RFPL2: variants seen among roughly 807,000 people sequenced by gnomAD.
RFPL2 encodes the protein ret finger protein like 2, also known as ret finger protein-like 2.
A neutral mutation model predicts 17.8 loss-of-function variants in RFPL2; 13 were observed. The ratio of observed to expected loss-of-function variants is 0.73; its 90% CI spans 0.47 to 1.16. The LOEUF (loss-of-function observed/expected upper bound fraction) is 1.16, where lower values mean the gene tolerates loss of function less well. Ranked by LOEUF, RFPL2 falls within the 50% of genes most tolerant of loss-of-function variation. RFPL2 has a pLI of 0.00. For synonymous variants in RFPL2, 189 were observed against 180.9 expected, an observed-to-expected ratio of 1.04 and a Z score of -0.36; for missense variants, 431 against 479.3, an observed-to-expected ratio of 0.90 and a Z score of 0.94.
At position 32,191,053 on chromosome 22, in the gene RFPL2, G is replaced by A. The variant is rs374202038; in HGVS notation, c.856C>T (p.Arg286Cys). 1.6e-5 allele frequency: 26 copies of A among 1,613,744 alleles called. No homozygotes were observed. The Middle Eastern group carries it at 4.9e-4, about 31-fold the overall frequency. The change falls in exon 5 of 5, where the codon CGC (arginine) becomes TGC (cysteine). Residue 286 changes from arginine (R) to cysteine (C), a missense_variant. Physicochemically the swap from Arg to Cys is radical, Grantham distance 180 (BLOSUM62 -3). Coordinates refer to ENST00000652607, the MANE Select transcript of RFPL2 (RefSeq NM_001394555.1). ...FWTVSLRDGG[R>C]LSATTVPLTF... ...AGCGGCACCGTGGTGGCAGAGAGGC[G>A]GCCTCCATCCCTCAAACTCACAGTC...
Position 32,202,455 on chromosome 22 carries a change from A to G in RFPL2, c.-4T>C. The stretch of plus-strand genomic sequence containing the variant: ...AGCCTAATTCAGCCACCTCCATCGG[A>G]GGCAAATCATGGTGCCACAGGCTCT... On this transcript the variant is annotated 5_prime_UTR_variant, in exon 2 of 5. Coordinates refer to ENST00000652607, the MANE Select transcript of RFPL2 (RefSeq NM_001394555.1). 6.3e-7 allele frequency: 1 copy of G among 1,584,112 alleles called. No homozygotes were observed. The highest frequency in any genetic ancestry group is 8.6e-7 in the Non-Finnish European group (1 of 1,164,858).
intron 2 of RFPL2, among the ~76,000 whole-genome samples, chr22:32,194,973 G>C (rs2413086): frequency 2.6e-5 from 4 of 152,098 alleles, no homozygotes; most frequent in African/African-American, 9.7e-5. Context: ...GTACTTCACA[G>C]AGTGTTAAGA....
At chr22:32,202,702 A>G in intron 1 of RFPL2, 152 bp from the exon 2 acceptor site, 10 of 1,307,084 alleles carry the variant, frequency 7.7e-6, no homozygotes, top group Non-Finnish European at 9.8e-6. Context: ...TGCGGCCTGG[A>G]GTGGGGACTG....
Position 32,202,342 on chromosome 22 carries a change from C to CT in RFPL2, c.109dup (p.Arg37LysfsTer15). Reference sequence around the variant, plus strand: ...CAGAATTGTCTCTCACCTCAGGCTCCTTATCACCATCATGTCTGCAAAGTC... The same window carrying CT: ...CAGAATTGTCTCTCACCTCAGGCTCCTTTATCACCATCATGTCTGCAAAGTC... On this transcript the variant is annotated frameshift_variant, in exon 2 of 5. Coordinates refer to ENST00000652607, the MANE Select transcript of RFPL2 (RefSeq NM_001394555.1). LOFTEE classifies it high-confidence loss of function. The CT allele has an allele frequency of 6.3e-7, 1 of 1,599,358 alleles. No individual in the cohort carries two copies. The highest frequency in any genetic ancestry group is 2.3e-5 in the East Asian group (1 of 44,406).
At chr22:32,201,523 A>T (rs1393057132) in intron 2 of RFPL2, among the ~76,000 whole-genome samples, 1 of 152,244 alleles carries the variant, frequency 6.6e-6, no homozygotes, top group East Asian at 1.9e-4. Context: ...GTGCACCTAC[A>T]GCTGCCTGGC....
In RFPL2 at chr22:32,194,388, G is replaced by C; in HGVS notation, c.222C>G (p.Ala74=). The change falls in exon 3 of 5, where the codon GCC becomes GCG. Residue 74 remains alanine, a synonymous_variant. Coordinates refer to ENST00000652607, the MANE Select transcript of RFPL2 (RefSeq NM_001394555.1). ...SCAPSPQDLS[A]QWKQLEDRGA... ...CTCTGTCCTCCAGCTGCTTCCACTG[G>C]GCGCTCAGGTCTTGTGGGGAAGGGG... is the stretch of plus-strand genomic sequence containing the variant. The C allele has an allele frequency of 6.2e-7, 1 of 1,605,202 alleles. No individual in the cohort carries two copies. Among genetic ancestry groups the C allele is most frequent in the African/African-American group, 1.3e-5 (1 of 74,172 alleles).
chr22:32,195,090 C>T (rs1156522434), intron 2 of RFPL2, among the ~76,000 whole-genome samples: 2 of 152,196 alleles, frequency 1.3e-5, no homozygotes. Context: ...TTTGAATCAA[C>T]CCCGAATCTT....
Position 32,192,912 on chromosome 22 carries a change from C to A in RFPL2, c.546G>T (p.Arg182=), listed in dbSNP as rs1452645181. The A allele has an allele frequency of 2.5e-6, 4 of 1,611,290 alleles. No individual in the cohort carries two copies. Among genetic ancestry groups the A allele is most frequent in the Middle Eastern group, 1.6e-4 (1 of 6,074 alleles). Residue 182 remains arginine, a synonymous_variant, in exon 4 of 5, where the codon CGG becomes CGT. Transcript: ENST00000652607. ...KKILQMNPRM[R]KFQVDMTLDA... is the part of the protein sequence containing the mutation. ...ATACAGATGCCTTACCTTGGAACTT[C>A]CGCATCCTTGGGTTCATCTGCAGAA...
chr22:32,193,247 T>C, intron 3 of RFPL2, 55 bp from the exon 4 acceptor site: 1 of 1,613,764 alleles, frequency 6.2e-7, no homozygotes, highest in Non-Finnish European at 8.5e-7. Flanking sequence ...GAAAGCCTGT[T>C]AGTTGTGACA....
chr22:32,194,255 A>C, intron 3 of RFPL2, 90 bp downstream of exon 3: 3 of 1,447,996 alleles, frequency 2.1e-6, no homozygotes, highest in Non-Finnish European at 2.8e-6. Context: ...GAATTCATTA[A>C]TTACGAATTT....
At chr22:32,193,854 C>T (rs1603203549) in intron 3 of RFPL2, among the ~76,000 whole-genome samples, 1 of 107,976 alleles carries the variant, frequency 9.3e-6, no homozygotes, top group African/African-American at 4.2e-5. Flanking sequence ...CAGAGTGAGA[C>T]ACCATCTCAA....
intron 1 of RFPL2, among the ~76,000 whole-genome samples, chr22:32,203,810 C>A (rs1476985817): frequency 1.1e-4 from 17 of 151,344 alleles, no homozygotes; most frequent in Admixed American, 1.1e-3. Flanking sequence ...TCAACAAGCC[C>A]CTCCACTGAC....
chr22:32,198,793 A>C (rs1021330617), intron 2 of RFPL2, among the ~76,000 whole-genome samples: 1 of 150,598 alleles, frequency 6.6e-6, no homozygotes, highest in Non-Finnish European at 1.5e-5. Flanking sequence ...CTCTGACCTC[A>C]GAGGTACGGC....
chr22:32,202,338 G>C lies in RFPL2; in HGVS notation c.114C>G (p.Ser38Arg), dbSNP rs1482915303. The C allele has an allele frequency of 1.9e-6, 3 of 1,596,872 alleles. No individual in the cohort carries two copies. Among genetic ancestry groups the C allele is most frequent in the East Asian group, 2.3e-5 (1 of 44,304 alleles). ...WDFADMMVIRSLSLIRLEGVE... is the reference protein window; with the variant it reads ...WDFADMMVIRRLSLIRLEGVE... ...AACCCAGAATTGTCTCTCACCTCAG[G>C]CTCCTTATCACCATCATGTCTGCAA... Residue 38 changes from serine to arginine, a missense_variant, in exon 2 of 5, where the codon AGC becomes AGG. Ser to Arg is a moderately radical substitution (Grantham distance 110). Coordinates refer to ENST00000652607, the MANE Select transcript of RFPL2 (RefSeq NM_001394555.1).
intron 2 of RFPL2, among the ~76,000 whole-genome samples, chr22:32,201,443 G>A (rs1486375123): frequency 2.6e-5 from 4 of 152,152 alleles, no homozygotes; most frequent in Non-Finnish European, 4.4e-5. Context: ...GCGAGGACCC[G>A]TCTTAACCAA....
At chr22:32,197,172 C>CA (rs527355511) in intron 2 of RFPL2, among the ~76,000 whole-genome samples, 4 of 151,940 alleles carry the variant, frequency 2.6e-5, no homozygotes, top group Non-Finnish European at 5.9e-5. Context: ...TCTGCAAAAG[C>CA]AAAAAATGGG....
chr22:32,192,477 C>T (rs1308543908), intron 4 of RFPL2, among the ~76,000 whole-genome samples: 2 of 152,200 alleles, frequency 1.3e-5, no homozygotes, highest in Non-Finnish European at 2.9e-5. Context: ...CCAATATTCA[C>T]CGTGCATTAG....
Position 32,202,498 on chromosome 22 carries a change from A to G in RFPL2, c.-47T>C. 10 of 1,555,482 alleles carry G rather than the reference A, an allele frequency of 6.4e-6. No individual in the cohort carries two copies. Among genetic ancestry groups the G allele is most frequent in the Non-Finnish European group, 7.8e-6 (9 of 1,149,660 alleles). ...CAGGCTCTAGCCTCCAGCCCGTGGC[A>G]TGTAGCTCCTTCTCAGGGCACTGGG... On this transcript the variant is annotated 5_prime_UTR_variant, in exon 2 of 5. An upstream start codon of the reference 5' UTR is lost. Transcript: ENST00000652607.
In RFPL2 at chr22:32,193,057, C is replaced by T; in HGVS notation, c.401G>A (p.Gly134Glu). The change falls in exon 4 of 5, where the codon GGG (glycine) becomes GAG (glutamate). Residue 134 changes from glycine (G) to glutamate (E), a missense_variant. Transcript: ENST00000652607. Reference sequence around the variant, plus strand: ...AGAGCAACAGCAAAGTAGATCCTCCCCATGGGGCTCCTTCTGCAGTGAATT... The same window carrying T: ...AGAGCAACAGCAAAGTAGATCCTCCTCATGGGGCTCCTTCTGCAGTGAATT... ...CINSLQKEPH[G>E]EDLLCCCSSM... 6.2e-7 allele frequency: 1 copy of T among 1,613,972 alleles called. No individual in the cohort carries two copies. The highest frequency in any genetic ancestry group is 1.1e-5 in the South Asian group (1 of 91,078).
Sources: gnomAD v4.1 joint callset for allele counts (sites outside exome capture counted in the v4.1 genomes callset) on GRCh38, gnomAD v4.1.1 for gene constraint, MANE v1.5 for transcripts, NCBI Gene and HGNC (gene_info 2026-07-23, HGNC 2026-07-21) for gene names.